Variants in GSTA2 observed in about 807,000 individuals in gnomAD.
GSTA2 encodes the protein glutathione S-transferase A2.
Under a neutral mutation model 22.4 loss-of-function variants are expected in GSTA2, and 27 were observed. The ratio of observed to expected loss-of-function variants is 1.21; its 90% CI spans 0.89 to 1.67. GSTA2 has a LOEUF of 1.67. GSTA2 is among the 40% of genes most tolerant of loss of function. The pLI, the probability that GSTA2 is intolerant of heterozygous loss-of-function variation, is 0.00. For synonymous variants in GSTA2, 121 were observed against 86.8 expected, an observed-to-expected ratio of 1.39 and a Z score of -2.19; for missense variants, 302 against 260.2, an observed-to-expected ratio of 1.16 and a Z score of -1.11.
intron 6 of GSTA2, among the ~76,000 whole-genome samples, chr6:52,751,107 CT>C (rs1762727157): frequency 6.6e-6 from 1 of 152,124 alleles, no homozygotes; most frequent in Non-Finnish European, 1.5e-5. Flanking sequence ...ATGGGACCAC[CT>C]TTTCTCAGTG....
intron 1 of GSTA2, among the ~76,000 whole-genome samples, chr6:52,758,276 G>T (rs935956486): frequency 6.6e-6 from 1 of 152,146 alleles, no homozygotes; most frequent in Non-Finnish European, 1.5e-5. Flanking sequence ...GGAAGAGGAA[G>T]AATTCAAGAA....
At position 52,751,624 on chromosome 6, in the gene GSTA2, C is replaced by A; in HGVS notation, c.499G>T (p.Val167Leu). Residue 167 changes from valine (V) to leucine (L), a missense_variant, in exon 6 of 7, where the codon GTG becomes TTG. Transcript: ENST00000493422. ...DIHLVELLYY[V>L]EELDSSLISS... The stretch of plus-strand genomic sequence containing the variant: ...ATAAGGCTAGAGTCAAGCTCTTCCA[C>A]GTAGTAGAGAAGTTCCACCAGGTGA... The A allele has an allele frequency of 3.7e-6, 6 of 1,614,112 alleles. No individual in the cohort carries two copies. The highest frequency in any genetic ancestry group is 4.2e-6 in the Non-Finnish European group (5 of 1,180,000).
rs1581772081 is a variant in GSTA2 at position 52,753,009 on chromosome 6, A to G, written c.273-14T>C. 1 of 1,583,088 alleles carries G rather than the reference A, an allele frequency of 6.3e-7. No homozygotes were observed. Among genetic ancestry groups the G allele is most frequent in the South Asian group, 1.2e-5 (1 of 85,968 alleles). Reference sequence around the variant, plus strand: ...TACATATCAATCCTGAAAGACAAAAACAACCAAATGGTCAAATATCTTTTG... The same window carrying G: ...TACATATCAATCCTGAAAGACAAAAGCAACCAAATGGTCAAATATCTTTTG... On this transcript the variant is annotated splice_polypyrimidine_tract_variant and intron_variant, in intron 4 of 6. Coordinates refer to ENST00000493422, the MANE Select transcript of GSTA2 (RefSeq NM_000846.5).
intron 6 of GSTA2, 63 bp from the exon 7 acceptor site, chr6:52,750,762 A>G: frequency 1.3e-5 from 20 of 1,589,890 alleles, no homozygotes; most frequent in Non-Finnish European, 1.5e-5. Flanking sequence ...CCCCATTAAC[A>G]TGACCCAGGG....
chr6:52,760,820 G>A (rs1334991717), intron 1 of GSTA2, among the ~76,000 whole-genome samples: 1 of 152,150 alleles, frequency 6.6e-6, no homozygotes, highest in African/African-American at 2.4e-5. Context: ...ACTAATAAAA[G>A]TGTGCCTTTC....
intron 1 of GSTA2, among the ~76,000 whole-genome samples, chr6:52,762,931 C>G (rs1417576301): frequency 6.6e-6 from 1 of 152,188 alleles, no homozygotes. Context: ...ACTCCAGAGA[C>G]AGAATATGAC....
intron 3 of GSTA2, among the ~76,000 whole-genome samples, chr6:52,755,658 A>G (rs866923697): frequency 2.7e-4 from 41 of 152,092 alleles, no homozygotes; most frequent in African/African-American, 9.4e-4. Context: ...ATTTATCTTC[A>G]TGGATATTTT....
rs1762719802 is a variant in GSTA2 at position 52,750,634 on chromosome 6, C to T, written c.612G>A (p.Arg204=). The T allele has an allele frequency of 6.2e-7, 1 of 1,613,620 alleles. No individual in the cohort carries two copies. Among genetic ancestry groups the T allele is most frequent in the Admixed American group, 1.7e-5 (1 of 59,990 alleles). ...VKKFLQPGSP[R]KPPMDEKSLE... is the part of the protein sequence containing the mutation. ...AAGATTTCTCATCCATGGGAGGCTT[C>T]CTTGGGCTGCCAGGCTGTAGAAACT... Residue 204 remains arginine, a synonymous_variant, in exon 7 of 7, where the codon AGG becomes AGA. Transcript: ENST00000493422.
At chr6:52,751,049 A>G (rs1581770361) in intron 6 of GSTA2, among the ~76,000 whole-genome samples, 1 of 152,236 alleles carries the variant, frequency 6.6e-6, no homozygotes, top group South Asian at 2.1e-4. Flanking sequence ...AAAATATGGG[A>G]AAATGAGTTG....
At chr6:52,754,088 C>T (rs1762796085) in intron 4 of GSTA2, among the ~76,000 whole-genome samples, 1 of 152,226 alleles carries the variant, frequency 6.6e-6, no homozygotes, top group Admixed American at 6.5e-5. Context: ...CTTTCCATTG[C>T]ATGGCTAAGG....
intron 1 of GSTA2, among the ~76,000 whole-genome samples, chr6:52,761,991 T>C (rs566680255): frequency 5.0e-4 from 75 of 151,326 alleles, no homozygotes; most frequent in African/African-American, 1.7e-3. Flanking sequence ...AAACATGTAC[T>C]GTGTGGACTC....
Position 52,759,580 on chromosome 6 carries a change from T to TG in GSTA2, c.-30-1604_-30-1603insC, listed in dbSNP as rs1561897450. On this transcript the variant is annotated intron_variant, in intron 1 of 6. Transcript: ENST00000493422. Reference sequence around the variant, plus strand: ...ATTTATTTGTTTTTTTTTTTTTTTTTTTTTTTTTTTTTTTTTTTTTTGAGA... The same window carrying TG: ...ATTTATTTGTTTTTTTTTTTTTTTTTGTTTTTTTTTTTTTTTTTTTTTGAGA... 6.1e-4 allele frequency among the ~76,000 whole-genome samples: 74 copies of TG among 121,100 alleles called. 1 individual carries two copies. Among genetic ancestry groups the TG allele is most frequent in the Middle Eastern group, 3.7e-3 (1 of 268 alleles). 79.4% of individuals were successfully genotyped at this position (121,100 alleles called of 152,430 possible).
Position 52,755,428 on chromosome 6 carries a change from G to A in GSTA2, c.140-353C>T, listed in dbSNP as rs1199794836. ...GGTGTCTCACCATGTTGGCCAAACT[G>A]GTCTCAAATTCCTGAACTGAAGTCA... On this transcript the variant is annotated intron_variant, in intron 3 of 6. Transcript: ENST00000493422. Among the ~76,000 whole-genome samples the A allele has an allele frequency of 2.0e-5, 3 of 152,026 alleles. 1 individual carries two copies. The highest frequency in any genetic ancestry group is 2.9e-5 in the Non-Finnish European group (2 of 67,978).
intron 3 of GSTA2, 105 bp from the exon 4 acceptor site, chr6:52,755,180 G>A (rs1268582076): frequency 9.8e-6 from 13 of 1,331,376 alleles, no homozygotes; most frequent in Non-Finnish European, 3.1e-6. Context: ...AAACGAAAAA[G>A]AAATTACTGC....
chr6:52,758,077 G>T, intron 1 of GSTA2, 100 bp from the exon 2 acceptor site: 1 of 697,832 alleles, frequency 1.4e-6, no homozygotes, highest in Non-Finnish European at 2.4e-6. Context: ...TGCTGAAGAA[G>T]AACCTGCCTT....
rs186075895 is a variant in GSTA2 at position 52,755,251 on chromosome 6, G to A, written c.140-176C>T. Among the ~76,000 whole-genome samples the A allele has an allele frequency of 1.3e-3, 172 of 136,448 alleles. 1 individual carries two copies. Among genetic ancestry groups the A allele is most frequent in the African/African-American group, 4.5e-3 (158 of 35,480 alleles). 89.5% of individuals were successfully genotyped at this position (136,448 alleles called of 152,430 possible). A position where few individuals can be genotyped will look rare whatever the true frequency, so the allele number is the denominator to read the frequency against. On this transcript the variant is annotated intron_variant, in intron 3 of 6. Coordinates refer to ENST00000493422, the MANE Select transcript of GSTA2 (RefSeq NM_000846.5). Reference sequence around the variant, plus strand: ...TTTTTTTGAGGCAGAGTATCATTCTGTTGTCCAGGCTGGAGTGGAGTGGTG... The same window carrying A: ...TTTTTTTGAGGCAGAGTATCATTCTATTGTCCAGGCTGGAGTGGAGTGGTG...
At chr6:52,752,213 G>A (rs746089608) in intron 5 of GSTA2, among the ~76,000 whole-genome samples, 13 of 152,172 alleles carry the variant, frequency 8.5e-5, no homozygotes, top group African/African-American at 1.4e-4. Flanking sequence ...CCTGAGATCT[G>A]TAGGAAACCT....
intron 1 of GSTA2, among the ~76,000 whole-genome samples, chr6:52,759,775 G>T (rs1424307726): frequency 1.3e-5 from 2 of 151,376 alleles, no homozygotes; most frequent in East Asian, 1.9e-4. Flanking sequence ...GTGAAGACAG[G>T]GTTTCAGCAT....
intron 1 of GSTA2, among the ~76,000 whole-genome samples, chr6:52,759,577 T>TG (rs1561897419): frequency 1.3e-4 from 15 of 117,684 alleles, no homozygotes; most frequent in African/African-American, 4.5e-4. Context: ...TTTTTTTTTT[T>TG]TTTTTTTTTT....
Sources: gnomAD v4.1 joint callset for allele counts (sites outside exome capture counted in the v4.1 genomes callset) on GRCh38, gnomAD v4.1.1 for gene constraint, MANE v1.5 for transcripts, NCBI Gene and HGNC (gene_info 2026-07-23, HGNC 2026-07-21) for gene names.